Variants in MAST4 observed in about 807,000 individuals in gnomAD.
MAST4 encodes the protein microtubule associated serine/threonine kinase family member 4.
Under a neutral mutation model 162.7 loss-of-function variants are expected in MAST4, and 89 were observed. That is an observed-to-expected ratio of 0.55 (90% CI 0.46 to 0.65). The LOEUF is 0.65. MAST4 is among the 30% of genes least tolerant of loss of function. The pLI is 0.00. For missense variants in MAST4, 3,153 were observed against 3,374.0 expected (o/e 0.93, Z 1.62); for synonymous variants, 1,479 against 1,361.1 (o/e 1.09, Z -1.91).
Position 66,773,857 on chromosome 5 carries a change from G to A in MAST4, c.517+13995G>A, listed in dbSNP as rs562586557. Among the ~76,000 whole-genome samples, 344 of 151,668 alleles carry A rather than the reference G, an allele frequency of 2.3e-3. 1 individual carries two copies. The highest frequency in any genetic ancestry group is 7.8e-3 in the African/African-American group (322 of 41,484). On this transcript the variant is annotated intron_variant, in intron 2 of 28. Coordinates refer to ENST00000403625, the MANE Select transcript of MAST4 (RefSeq NM_001164664.2). Reference sequence around the variant, plus strand: ...CCAGTCTCCATTATTATGTTGTAGCGGCACAAACTAAGATAAACTGTGACT... The same window carrying A: ...CCAGTCTCCATTATTATGTTGTAGCAGCACAAACTAAGATAAACTGTGACT...
At chr5:66,653,423 T>G (rs1310336232) in intron 1 of MAST4, among the ~76,000 whole-genome samples, 1 of 152,224 alleles carries the variant, frequency 6.6e-6, no homozygotes, top group African/African-American at 2.4e-5. Context: ...ATCCTGTAAC[T>G]GCTGGGCCAG....
At chr5:66,818,175 A>T (rs1036368495) in intron 3 of MAST4, among the ~76,000 whole-genome samples, 1 of 152,168 alleles carries the variant, frequency 6.6e-6, no homozygotes, top group Non-Finnish European at 1.5e-5. Context: ...GTGTTCTTGT[A>T]TCTTCCAGAT....
intron 4 of MAST4, among the ~76,000 whole-genome samples, chr5:67,005,283 A>C (rs1243854411): frequency 6.6e-6 from 1 of 152,176 alleles, no homozygotes; most frequent in African/African-American, 2.4e-5. Flanking sequence ...ACCCTGATAA[A>C]TGTGCTTCTC....
chr5:66,842,503 C>T (rs1203866987), intron 3 of MAST4, among the ~76,000 whole-genome samples: 3 of 152,020 alleles, frequency 2.0e-5, no homozygotes, highest in Non-Finnish European at 2.9e-5. Context: ...TTCATTTCCA[C>T]GTGTGGGTTC....
chr5:66,673,507 G>GTTTTTTT (rs1302264518), intron 1 of MAST4, among the ~76,000 whole-genome samples: 1 of 140,864 alleles, frequency 7.1e-6, no homozygotes, highest in African/African-American at 2.6e-5. Context: ...CAATACGCTA[G>GTTTTTTT]TTTTTTTTGT....
At position 66,711,283 on chromosome 5, in the gene MAST4, T is replaced by C. The variant is rs1248699811; in HGVS notation, c.364-48426T>C. ...AAGGCAGTACAAGCTACTTCTTTTCTGAAAGGTCTTTCTAGAGGTCAGAAG... is the reference window on the plus strand; with the variant it reads ...AAGGCAGTACAAGCTACTTCTTTTCCGAAAGGTCTTTCTAGAGGTCAGAAG... On this transcript the variant is annotated intron_variant, in intron 1 of 28. Coordinates refer to ENST00000403625, the MANE Select transcript of MAST4 (RefSeq NM_001164664.2). Among the ~76,000 whole-genome samples the C allele has an allele frequency of 2.0e-5, 3 of 152,250 alleles. No individual in the cohort carries two copies. In the East Asian group the frequency reaches 5.8e-4, roughly 29 times the overall value.
At chr5:66,791,326 T>C (rs1755395848) in intron 3 of MAST4, among the ~76,000 whole-genome samples, 1 of 152,210 alleles carries the variant, frequency 6.6e-6, no homozygotes, top group Admixed American at 6.5e-5. Context: ...GTCCAGCCAT[T>C]CTTAAGTAAT....
At chr5:67,108,007 G>A (rs1412795288) in intron 10 of MAST4, among the ~76,000 whole-genome samples, 6 of 152,174 alleles carry the variant, frequency 3.9e-5, no homozygotes, top group Non-Finnish European at 8.8e-5. Flanking sequence ...TCTTTATTTT[G>A]TGTTGTTTTA....
chr5:66,856,224 T>C (rs1759675052), intron 3 of MAST4, among the ~76,000 whole-genome samples: 1 of 152,190 alleles, frequency 6.6e-6, no homozygotes, highest in South Asian at 2.1e-4. Context: ...GAGCTTGCAC[T>C]GAGTCCCCAC....
At chr5:66,962,540 T>G (rs1171964825) in intron 4 of MAST4, among the ~76,000 whole-genome samples, 1 of 152,188 alleles carries the variant, frequency 6.6e-6, no homozygotes, top group African/African-American at 2.4e-5. Flanking sequence ...AAACCCCATC[T>G]CTACAAAAAA....
chr5:66,808,401 G>A (rs1463797273), intron 3 of MAST4, among the ~76,000 whole-genome samples: 1 of 152,152 alleles, frequency 6.6e-6, no homozygotes, highest in Non-Finnish European at 1.5e-5. Flanking sequence ...TAACATTCAT[G>A]TCAAATAGCC....
At chr5:66,719,613 G>A (rs1751071216) in intron 1 of MAST4, among the ~76,000 whole-genome samples, 1 of 151,986 alleles carries the variant, frequency 6.6e-6, no homozygotes, top group African/African-American at 2.4e-5. Flanking sequence ...CGTTACATAG[G>A]TATACAAGTG....
intron 21 of MAST4, among the ~76,000 whole-genome samples, chr5:67,143,793 A>G (rs1268931402): frequency 1.3e-5 from 2 of 152,178 alleles, no homozygotes. Context: ...GGGCCATCAA[A>G]GACAACAATG....
chr5:66,850,877 A>G (rs2149811570), intron 3 of MAST4, among the ~76,000 whole-genome samples: 1 of 151,148 alleles, frequency 6.6e-6, no homozygotes, highest in South Asian at 2.1e-4. Flanking sequence ...GTGTCTTCTG[A>G]TTCAACTTAA....
intron 1 of MAST4, among the ~76,000 whole-genome samples, chr5:66,718,853 A>T (rs548593551): frequency 6.6e-6 from 1 of 152,078 alleles, no homozygotes; most frequent in Non-Finnish European, 1.5e-5. Context: ...GACTTCGAGT[A>T]TAGTTTGTGA....
chr5:66,740,970 A>G (rs1401101767), intron 1 of MAST4, among the ~76,000 whole-genome samples: 5 of 152,198 alleles, frequency 3.3e-5, no homozygotes, highest in African/African-American at 1.2e-4. Flanking sequence ...CAAATGAGAT[A>G]ATGTTCTGAA....
intron 2 of MAST4, among the ~76,000 whole-genome samples, chr5:66,767,739 T>TA (rs1441701041): frequency 6.6e-6 from 1 of 152,098 alleles, no homozygotes; most frequent in Non-Finnish European, 1.5e-5. Flanking sequence ...GTGGAGAACT[T>TA]AGAGTCTGAT....
chr5:67,158,216 A>C (rs1413612861), intron 26 of MAST4, among the ~76,000 whole-genome samples: 2 of 152,248 alleles, frequency 1.3e-5, no homozygotes, highest in Non-Finnish European at 2.9e-5. Flanking sequence ...TTCTCATTAA[A>C]GAACAACTAG....
rs189415391 is a variant in MAST4, at chr5:67,061,099, T to C, written c.763+6607T>C. Among the ~76,000 whole-genome samples the C allele has an allele frequency of 1.9e-4, 29 of 152,322 alleles. No homozygotes were observed. In the East Asian group the frequency reaches 5.0e-3, roughly 26 times the overall value. On this transcript the variant is annotated intron_variant, in intron 5 of 28. Coordinates refer to ENST00000403625, the MANE Select transcript of MAST4 (RefSeq NM_001164664.2). ...ATAAATCCTCTATTAACCCATTACT[T>C]GGAGATAACCCCTATTACCAGTTTA...
Sources: gnomAD v4.1 joint callset for allele counts (sites outside exome capture counted in the v4.1 genomes callset) on GRCh38, gnomAD v4.1.1 for gene constraint, MANE v1.5 for transcripts, NCBI Gene and HGNC (gene_info 2026-07-23, HGNC 2026-07-21) for gene names.